Variants in SGCD observed in about 807,000 individuals in gnomAD.
SGCD encodes delta-sarcoglycan.
A neutral mutation model predicts 36.6 loss-of-function variants in SGCD; 18 were observed. The observed-to-expected ratio is 0.49, with a 90% CI of 0.34 to 0.73. The LOEUF is 0.73. SGCD is among the 30% of genes least tolerant of loss of function. The pLI is 0.01. For missense variants in SGCD, 387 were observed against 346.7 expected (o/e 1.12, Z -0.92); for synonymous variants, 133 against 130.6 (o/e 1.02, Z -0.12).
intron 4 of SGCD, among the ~76,000 whole-genome samples, chr5:156,530,814 G>A (rs1191972154): frequency 4.0e-5 from 6 of 151,720 alleles, no homozygotes; most frequent in East Asian, 2.0e-4. Flanking sequence ...TCCTGACCTC[G>A]TGATCCACCC....
chr5:156,595,483 A>G (rs1760889554), intron 6 of SGCD, among the ~76,000 whole-genome samples: 1 of 152,226 alleles, frequency 6.6e-6, no homozygotes. Context: ...AATGGTGTCT[A>G]GAAGAGTGAT....
chr5:156,311,035 A>G (rs926155438), intron 3 of SGCD, among the ~76,000 whole-genome samples: 1 of 152,240 alleles, frequency 6.6e-6, no homozygotes, highest in Non-Finnish European at 1.5e-5. Context: ...TGAAAGCCTA[A>G]CATTGGAAGA....
the SGCD span, among the ~76,000 whole-genome samples, chr5:155,748,542 C>T: frequency 6.6e-6 from 1 of 152,128 alleles, no homozygotes; most frequent in South Asian, 2.1e-4. Flanking sequence ...AGGTCTCACT[C>T]AGCAAATCTG....
At chr5:155,907,058 AT>A (rs1197361980) in intron 1 of SGCD, among the ~76,000 whole-genome samples, 1 of 152,118 alleles carries the variant, frequency 6.6e-6, no homozygotes, top group East Asian at 1.9e-4. Context: ...GTCAGTGCTC[AT>A]TTGCCATACT....
At chr5:155,844,437 G>GTGTGTGTGTGTGTGTT in the SGCD span, among the ~76,000 whole-genome samples, 1 of 151,714 alleles carries the variant, frequency 6.6e-6, no homozygotes, top group African/African-American at 2.4e-5. Context: ...GTGTGTGTGT[G>GTGTGTGTGTGTGTGTT]TGTGTGTGTG....
At chr5:156,194,418 T>A (rs995481478) in intron 3 of SGCD, among the ~76,000 whole-genome samples, 1 of 152,014 alleles carries the variant, frequency 6.6e-6, no homozygotes, top group African/African-American at 2.4e-5. Context: ...AAATACTGTG[T>A]AAAAAGGTAT....
chr5:155,878,587 C>A (rs909315985), intron 1 of SGCD, among the ~76,000 whole-genome samples: 1 of 152,044 alleles, frequency 6.6e-6, no homozygotes, highest in African/African-American at 2.4e-5. Flanking sequence ...TAAGAATACT[C>A]AAGACTTTTT....
chr5:155,815,718 C>G, the SGCD span, among the ~76,000 whole-genome samples: 1 of 152,082 alleles, frequency 6.6e-6, no homozygotes, highest in Non-Finnish European at 1.5e-5. Context: ...ACAACCAGGT[C>G]TCATGAGAAC....
chr5:156,269,696 T>G (rs2127669140), intron 3 of SGCD, among the ~76,000 whole-genome samples: 1 of 152,124 alleles, frequency 6.6e-6, no homozygotes, highest in African/African-American at 2.4e-5. Context: ...TGTCCATTGC[T>G]CACTTTTAAA....
At chr5:156,758,958 A>G (rs1757440385) in intron 8 of SGCD, among the ~76,000 whole-genome samples, 2 of 152,188 alleles carry the variant, frequency 1.3e-5, no homozygotes, top group Admixed American at 1.3e-4. Context: ...CTAGGACTCT[A>G]TTTACATTCT....
intron 3 of SGCD, among the ~76,000 whole-genome samples, chr5:156,169,074 A>C (rs947235770): frequency 6.6e-6 from 1 of 152,214 alleles, no homozygotes; most frequent in Admixed American, 6.5e-5. Context: ...ACAATGTATA[A>C]AATGCTAAGG....
intron 4 of SGCD, among the ~76,000 whole-genome samples, chr5:156,540,628 A>G (rs1335476941): frequency 6.6e-6 from 1 of 152,190 alleles, no homozygotes; most frequent in Non-Finnish European, 1.5e-5. Context: ...CATTAATTTA[A>G]CAAGTATGTA....
chr5:155,786,675 T>C, the SGCD span, among the ~76,000 whole-genome samples: 2 of 152,146 alleles, frequency 1.3e-5, no homozygotes, highest in Admixed American at 6.6e-5. Context: ...ATCTTCCTCC[T>C]CCACACACCT....
intron 3 of SGCD, among the ~76,000 whole-genome samples, chr5:156,151,155 AG>A (rs1238851266): frequency 6.6e-6 from 1 of 151,696 alleles, no homozygotes; most frequent in Non-Finnish European, 1.5e-5. Context: ...AGAGAAGCTG[AG>A]AAACAGACAC....
chr5:156,584,342 G>A (rs1241465505), intron 4 of SGCD, among the ~76,000 whole-genome samples: 3 of 152,162 alleles, frequency 2.0e-5, no homozygotes, highest in Admixed American at 6.6e-5. Flanking sequence ...CACTGCAAAC[G>A]TTGAGACTGC....
At chr5:156,008,179 T>G (rs774114260) in intron 1 of SGCD, among the ~76,000 whole-genome samples, 4 of 152,138 alleles carry the variant, frequency 2.6e-5, no homozygotes, top group African/African-American at 4.8e-5. Context: ...GAGTCCAAAA[T>G]TACAATTCTC....
chr5:156,390,383 C>T (rs369631591), intron 3 of SGCD, among the ~76,000 whole-genome samples: 26 of 152,232 alleles, frequency 1.7e-4, no homozygotes, highest in African/African-American at 5.3e-4. Flanking sequence ...TGATCCTGAC[C>T]CTGTGTAGCC....
At chr5:156,209,373 T>A (rs1198052046) in intron 3 of SGCD, among the ~76,000 whole-genome samples, 1 of 152,162 alleles carries the variant, frequency 6.6e-6, no homozygotes, top group Admixed American at 6.5e-5. Context: ...ACAGGCTTGA[T>A]GCCAACTCAG....
At chr5:156,275,004 T>A (rs1407862064) in intron 3 of SGCD, among the ~76,000 whole-genome samples, 1 of 152,224 alleles carries the variant, frequency 6.6e-6, no homozygotes, top group Non-Finnish European at 1.5e-5. Context: ...AGGGACCCAG[T>A]GTCTCCAGAC....
Sources: gnomAD v4.1 joint callset for allele counts (sites outside exome capture counted in the v4.1 genomes callset) on GRCh38, gnomAD v4.1.1 for gene constraint, MANE v1.5 for transcripts, NCBI Gene and HGNC (gene_info 2026-07-23, HGNC 2026-07-21) for gene names.